ARHGAP35: variants seen among roughly 807,000 people sequenced by gnomAD.
The protein encoded by ARHGAP35 is rho GTPase-activating protein 35.
ARHGAP35 carries 15 observed loss-of-function variants against 111.1 expected under a neutral mutation model. The ratio of observed to expected loss-of-function variants is 0.13; its 90% CI spans 0.09 to 0.21. The LOEUF is 0.21. ARHGAP35 is among the 10% of genes least tolerant of loss of function. The probability of loss-of-function intolerance (pLI) is 1.00; values close to 1 mark genes in which losing one functional copy is unlikely to be tolerated. For synonymous variants in ARHGAP35, 643 were observed against 710.3 expected, an observed-to-expected ratio of 0.91 and a Z score of 1.51; for missense variants, 1,262 against 1,873.0, an observed-to-expected ratio of 0.67 and a Z score of 6.02.
At chr19:46,982,521 G>A (rs542119712) in intron 3 of ARHGAP35, among the ~76,000 whole-genome samples, 21 of 151,034 alleles carry the variant, frequency 1.4e-4, no homozygotes, top group African/African-American at 2.0e-4. Context: ...GCTTGTTTTC[G>A]TATAAAAAGC....
Position 46,989,400 on chromosome 19 carries a change from A to T in ARHGAP35, c.3905-144A>T. 9.2e-7 allele frequency: 1 copy of T among 1,086,788 alleles called. No homozygotes were observed. The highest frequency in any genetic ancestry group is 1.3e-6 in the Non-Finnish European group (1 of 772,568). The allele number at this position is 1,086,788 out of a possible 1,614,324, so 67.3% of individuals were successfully genotyped here. On this transcript the variant is annotated intron_variant, in intron 4 of 6. Coordinates refer to ENST00000672722, the MANE Select transcript of ARHGAP35 (RefSeq NM_004491.5). The surrounding 1 kb of genome is among the most constrained non-coding windows in gnomAD (Gnocchi z 5.3). ...CCTCAGAACTCGCGTTAGCGCTCAC[A>T]AGTCCCACCCCTCCAATCCTTGCCA...
chr19:46,899,617 T>C (rs563519499), intron 1 of ARHGAP35, among the ~76,000 whole-genome samples: 4 of 151,918 alleles, frequency 2.6e-5, no homozygotes, highest in East Asian at 3.9e-4. Flanking sequence ...GGAGGATCGC[T>C]TGAGCCTGGG....
chr19:46,921,994 G>A lies in ARHGAP35; in HGVS notation c.3319G>A (p.Val1107Met), dbSNP rs753194507. 20 of 1,613,826 alleles carry A rather than the reference G, an allele frequency of 1.2e-5. No homozygotes were observed. Among genetic ancestry groups the A allele is most frequent in the Non-Finnish European group, 1.6e-5 (19 of 1,179,896 alleles). The stretch of plus-strand genomic sequence containing the variant: ...GAATGAAGAAGAAAACATATACTCC[G>A]TGCCCCATGACAGCACCCAAGGCAA... ...PRNEEENIYS[V>M]PHDSTQGKII... is the part of the protein sequence containing the mutation. Residue 1107 changes from valine (V) to methionine (M), a missense_variant, in exon 2 of 7, where the codon GTG (valine) becomes ATG (methionine). By Grantham distance (21) the Val-to-Met change is conservative. Around this residue, in one of 8 missense-constraint regions of ARHGAP35, gnomAD observed 579 missense variants for 716.9 expected, o/e 0.81. Coordinates refer to ENST00000672722, the MANE Select transcript of ARHGAP35 (RefSeq NM_004491.5). The surrounding 1 kb of genome is among the most constrained non-coding windows in gnomAD (Gnocchi z 4.3).
intron 1 of ARHGAP35, among the ~76,000 whole-genome samples, chr19:46,897,850 G>A (rs1482240487): frequency 6.6e-6 from 1 of 152,164 alleles, no homozygotes; most frequent in African/African-American, 2.4e-5. Flanking sequence ...AGGGCTGAAA[G>A]GGCTTTGGAA....
chr19:46,862,265 C>T (rs567191290), intron 1 of ARHGAP35, among the ~76,000 whole-genome samples: 1 of 152,260 alleles, frequency 6.6e-6, no homozygotes, highest in South Asian at 2.1e-4. Flanking sequence ...TGATGTATCC[C>T]TAACTCAGAC....
chr19:46,962,892 T>A (rs978190888), intron 3 of ARHGAP35, among the ~76,000 whole-genome samples: 4 of 152,228 alleles, frequency 2.6e-5, no homozygotes, highest in Non-Finnish European at 5.9e-5. Context: ...ATCGCAGGCA[T>A]GAGCCACTGC....
At position 46,987,277 on chromosome 19, in the gene ARHGAP35, G is replaced by T. The variant is rs995142332; in HGVS notation, c.3827-712G>T. On this transcript the variant is annotated intron_variant, in intron 3 of 6. Coordinates refer to ENST00000672722, the MANE Select transcript of ARHGAP35 (RefSeq NM_004491.5). ...GTCACCCAGGCTGGAGTGCAGTGACGCAATCTCAGCTCACTGCAACCTCCG... is the reference window on the plus strand; with the variant it reads ...GTCACCCAGGCTGGAGTGCAGTGACTCAATCTCAGCTCACTGCAACCTCCG... 3.0e-5 allele frequency among the ~76,000 whole-genome samples: 4 copies of T among 133,892 alleles called. 1 individual carries two copies. The highest frequency in any genetic ancestry group is 6.2e-5 in the Non-Finnish European group (4 of 64,732). The allele number at this position is 133,892 out of a possible 152,430, so 87.8% of individuals were successfully genotyped here.
At chr19:46,930,931 A>T (rs776921964) in intron 2 of ARHGAP35, among the ~76,000 whole-genome samples, 4 of 150,618 alleles carry the variant, frequency 2.7e-5, no homozygotes, top group Non-Finnish European at 5.9e-5. Flanking sequence ...TAAATTCATT[A>T]AAAAAAAACA....
intron 1 of ARHGAP35, among the ~76,000 whole-genome samples, chr19:46,883,788 C>G (rs2055978455): frequency 6.6e-6 from 1 of 152,144 alleles, no homozygotes; most frequent in Admixed American, 6.6e-5. Context: ...GGTGCGGTGG[C>G]TCACTCCTGT....
At chr19:46,983,132 G>A (rs1007392049) in intron 3 of ARHGAP35, among the ~76,000 whole-genome samples, 4 of 150,878 alleles carry the variant, frequency 2.7e-5, no homozygotes, top group African/African-American at 7.3e-5. Context: ...TCTGTGGCTG[G>A]AGCCCCCGCA....
intron 1 of ARHGAP35, among the ~76,000 whole-genome samples, chr19:46,876,170 C>G (rs1387949101): frequency 6.6e-6 from 1 of 151,748 alleles, no homozygotes; most frequent in East Asian, 1.9e-4. Flanking sequence ...ATTATTAGTG[C>G]TGCACTACCT....
chr19:46,933,516 ATTATAAGCCGTGGTGG>A (rs1420698987), intron 2 of ARHGAP35, among the ~76,000 whole-genome samples: 1 of 152,074 alleles, frequency 6.6e-6, no homozygotes, highest in Non-Finnish European at 1.5e-5. Context: ...TTTTCACTAG[ATTATAAGCCGTGGTGG>A]TTAAAAGCAC....
chr19:46,975,643 A>G (rs1324520467), intron 3 of ARHGAP35, among the ~76,000 whole-genome samples: 1 of 152,238 alleles, frequency 6.6e-6, no homozygotes, highest in Admixed American at 6.5e-5. Context: ...GCCCATCAGA[A>G]TGGAAAAGGC....
chr19:46,999,294 C>T lies in ARHGAP35; in HGVS notation c.4037-10C>T. The T allele has an allele frequency of 6.4e-7, 1 of 1,568,216 alleles. No individual in the cohort carries two copies. Among genetic ancestry groups the T allele is most frequent in the Non-Finnish European group, 8.7e-7 (1 of 1,155,086 alleles). ...ATGAAAGGCAAGGCTTTGGTTTTCT[C>T]TCTCCTCAGAAATCAACGACCGGGA... On this transcript the variant is annotated splice_polypyrimidine_tract_variant and intron_variant, in intron 5 of 6. Coordinates refer to ENST00000672722, the MANE Select transcript of ARHGAP35 (RefSeq NM_004491.5). The surrounding 1 kb of genome is among the most constrained non-coding windows in gnomAD (Gnocchi z 5.4).
intron 2 of ARHGAP35, among the ~76,000 whole-genome samples, chr19:46,923,298 T>C (rs552321899): frequency 2.5e-4 from 38 of 152,138 alleles, no homozygotes; most frequent in African/African-American, 8.9e-4. Flanking sequence ...TATTTTTTAG[T>C]AGAGACGGGG....
At chr19:46,969,129 C>T (rs565856688) in intron 3 of ARHGAP35, among the ~76,000 whole-genome samples, 1 of 151,948 alleles carries the variant, frequency 6.6e-6, no homozygotes, top group East Asian at 1.9e-4. Flanking sequence ...CCAGGGGCTG[C>T]GAGAAGGGAG....
At chr19:46,982,251 C>A (rs574818919) in intron 3 of ARHGAP35, among the ~76,000 whole-genome samples, 150 of 152,096 alleles carry the variant, frequency 9.9e-4, no homozygotes, top group Non-Finnish European at 1.5e-3. Flanking sequence ...CCAAGGCGGG[C>A]GGATCACTTG....
intron 3 of ARHGAP35, among the ~76,000 whole-genome samples, chr19:46,960,784 C>T (rs1478594653): frequency 6.6e-6 from 1 of 151,906 alleles, no homozygotes; most frequent in Non-Finnish European, 1.5e-5. Context: ...GCTGAATGTG[C>T]TGTTCTATGC....
chr19:46,872,242 A>G (rs1447567059), intron 1 of ARHGAP35, among the ~76,000 whole-genome samples: 2 of 152,202 alleles, frequency 1.3e-5, no homozygotes, highest in Non-Finnish European at 2.9e-5. Context: ...ATATAGAACT[A>G]TAAACAGCAT....
Sources: gnomAD v4.1 joint callset for allele counts (sites outside exome capture counted in the v4.1 genomes callset) on GRCh38, gnomAD v4.1.1 for gene constraint, gnomAD v4.1.1 regional missense constraint, Gnocchi (gnomAD v3.1) non-coding constraint, MANE v1.5 for transcripts, NCBI Gene and HGNC (gene_info 2026-07-23, HGNC 2026-07-21) for gene names.